LOC128125817: variants seen among roughly 807,000 people sequenced by gnomAD.
At chr1:41,618,930 C>G in the LOC128125817 span, among the ~76,000 whole-genome samples, 1 of 152,236 alleles carries the variant, frequency 6.6e-6, no homozygotes, top group African/African-American at 2.4e-5. Flanking sequence ...CCATGGCCCC[C>G]GCAGTTGCCA....
chr1:41,620,918 T>C, the LOC128125817 span, among the ~76,000 whole-genome samples: 1 of 152,180 alleles, frequency 6.6e-6, no homozygotes, highest in South Asian at 2.1e-4. Context: ...CTGTTCTTCT[T>C]CCACCTGCGG....
the LOC128125817 span, among the ~76,000 whole-genome samples, chr1:41,628,410 A>AGGCTGTGGCCCCTGGAGAGGG: frequency 6.6e-6 from 1 of 152,096 alleles, no homozygotes; most frequent in African/African-American, 2.4e-5. Context: ...TGGCTTGTGG[A>AGGCTGTGGCCCCTGGAGAGGG]GGCTGTGGCC....
the LOC128125817 span, among the ~76,000 whole-genome samples, chr1:41,620,511 C>T: frequency 1.3e-5 from 2 of 152,250 alleles, no homozygotes; most frequent in East Asian, 3.9e-4. Flanking sequence ...TTCCTAGATG[C>T]CTGTACTCAG....
the LOC128125817 span, among the ~76,000 whole-genome samples, chr1:41,593,826 C>G: frequency 6.6e-6 from 1 of 152,188 alleles, no homozygotes; most frequent in African/African-American, 2.4e-5. Flanking sequence ...AGGTCTCACT[C>G]GGCTAAAAGC....
At chr1:41,616,786 T>C in the LOC128125817 span, among the ~76,000 whole-genome samples, 1 of 152,284 alleles carries the variant, frequency 6.6e-6, no homozygotes, top group African/African-American at 2.4e-5. Flanking sequence ...TATCATCCTA[T>C]GTACATTCCT....
At chr1:41,586,169 C>A in the LOC128125817 span, among the ~76,000 whole-genome samples, 1 of 152,170 alleles carries the variant, frequency 6.6e-6, no homozygotes, top group African/African-American at 2.4e-5. Context: ...GGATCATTGC[C>A]CTCAAGTGGA....
At chr1:41,592,882 C>T in the LOC128125817 span, among the ~76,000 whole-genome samples, 2 of 152,230 alleles carry the variant, frequency 1.3e-5, no homozygotes, top group Admixed American at 6.5e-5. Context: ...TGTATCCCAG[C>T]AAGCAGCCCA....
the LOC128125817 span, among the ~76,000 whole-genome samples, chr1:41,590,839 C>T: frequency 1.7e-3 from 266 of 152,254 alleles, no homozygotes; most frequent in Admixed American, 3.3e-3. Context: ...CCCATGCATG[C>T]GGCAACACAG....
the LOC128125817 span, among the ~76,000 whole-genome samples, chr1:41,610,229 A>G: frequency 6.6e-6 from 1 of 152,200 alleles, no homozygotes; most frequent in African/African-American, 2.4e-5. Context: ...CCTAATACAC[A>G]ACTTCAGACA....
chr1:41,605,404 C>T, the LOC128125817 span, among the ~76,000 whole-genome samples: 2 of 147,986 alleles, frequency 1.4e-5, no homozygotes, highest in African/African-American at 5.3e-5. Context: ...CACACACACA[C>T]ACATACATAT....
At chr1:41,623,401 C>G in the LOC128125817 span, among the ~76,000 whole-genome samples, 1 of 152,182 alleles carries the variant, frequency 6.6e-6, no homozygotes, top group Non-Finnish European at 1.5e-5. Context: ...CACACACTTG[C>G]TATTTTTAAA....
the LOC128125817 span, among the ~76,000 whole-genome samples, chr1:41,604,729 G>A: frequency 5.9e-5 from 9 of 152,130 alleles, no homozygotes; most frequent in Non-Finnish European, 8.8e-5. Context: ...TTAGTATTCT[G>A]TACTAGCAGC....
the LOC128125817 span, among the ~76,000 whole-genome samples, chr1:41,611,953 T>C: frequency 1.3e-5 from 2 of 152,112 alleles, no homozygotes; most frequent in African/African-American, 4.8e-5. Flanking sequence ...TCTGTGAAGA[T>C]ATAAACTCGC....
the LOC128125817 span, among the ~76,000 whole-genome samples, chr1:41,625,392 A>C: frequency 6.6e-6 from 1 of 152,176 alleles, no homozygotes; most frequent in Non-Finnish European, 1.5e-5. Flanking sequence ...ATGCATTTAA[A>C]AAACGGTGTG....
At chr1:41,626,750 C>T in the LOC128125817 span, among the ~76,000 whole-genome samples, 10 of 152,084 alleles carry the variant, frequency 6.6e-5, no homozygotes, top group Non-Finnish European at 1.3e-4. Context: ...CCCAGGATGC[C>T]GAGCCAGGGG....
chr1:41,613,885 A>G, the LOC128125817 span, among the ~76,000 whole-genome samples: 1 of 152,212 alleles, frequency 6.6e-6, no homozygotes, highest in Non-Finnish European at 1.5e-5. Flanking sequence ...CCTTATCTGG[A>G]CATTTCATAA....
At chr1:41,628,774 G>A in the LOC128125817 span, 1 of 1,232,136 alleles carries the variant, frequency 8.1e-7, no homozygotes, top group South Asian at 4.1e-5. Context: ...CACTTCCGAT[G>A]ACCAAAACTG....
the LOC128125817 span, among the ~76,000 whole-genome samples, chr1:41,598,370 T>A: frequency 1.3e-5 from 2 of 152,232 alleles, no homozygotes; most frequent in African/African-American, 4.8e-5. Flanking sequence ...AAGGTTCTTG[T>A]GTCTACTATG....
chr1:41,613,687 C>A, the LOC128125817 span, among the ~76,000 whole-genome samples: 3 of 152,158 alleles, frequency 2.0e-5, no homozygotes, highest in Non-Finnish European at 4.4e-5. Flanking sequence ...TTTGATTATT[C>A]AAATATTGAG....
Sources: gnomAD v4.1 joint callset for allele counts (sites outside exome capture counted in the v4.1 genomes callset) on GRCh38, gnomAD v4.1.1 for gene constraint, MANE v1.5 for transcripts.